The following ADD3 variants were observed in gnomAD, a reference collection of about 807,000 sequenced individuals.
The protein encoded by ADD3 is adducin 3.
ADD3 carries 25 observed loss-of-function variants against 80.2 expected under a neutral mutation model. The ratio of observed to expected loss-of-function variants is 0.31; its 90% CI spans 0.23 to 0.44. The LOEUF (loss-of-function observed/expected upper bound fraction) is 0.44, where lower values mean the gene tolerates loss of function less well. Ranked by LOEUF, ADD3 falls within the 20% of genes least tolerant of loss-of-function variation. The probability of loss-of-function intolerance (pLI) is 1.00; values close to 1 mark genes in which losing one functional copy is unlikely to be tolerated. For missense variants in ADD3, 829 were observed against 847.5 expected (o/e 0.98, Z 0.27); for synonymous variants, 284 against 289.6 (o/e 0.98, Z 0.20).
chr10:110,092,364 T>G (rs563611047), intron 1 of ADD3, among the ~76,000 whole-genome samples: 2 of 152,178 alleles, frequency 1.3e-5, no homozygotes, highest in African/African-American at 4.8e-5. Context: ...TTGGTACATA[T>G]ATACCTTCGA....
At chr10:110,065,504 C>CTCTCTCAT (rs1201886695) in intron 1 of ADD3, among the ~76,000 whole-genome samples, 1 of 131,744 alleles carries the variant, frequency 7.6e-6, no homozygotes, top group East Asian at 2.4e-4. Flanking sequence ...CTCTCTCTCT[C>CTCTCTCAT]TCTCTCTCAT....
intron 1 of ADD3, among the ~76,000 whole-genome samples, chr10:110,088,214 G>T (rs1169542397): frequency 6.6e-6 from 1 of 152,162 alleles, no homozygotes; most frequent in East Asian, 1.9e-4. Flanking sequence ...CTGGGGACAT[G>T]AATTTTTAGG....
chr10:110,133,337 C>A lies in ADD3; in HGVS notation c.1840C>A (p.Leu614Met). Residue 614 changes from leucine (L) to methionine (M), a missense_variant, in exon 15 of 15, where the codon CTG (leucine) becomes ATG (methionine). By Grantham distance (15) the Leu-to-Met change is conservative. Transcript: ENST00000356080. ...CTCCCCTTTCGTAGAAAACCATGAGCTGTTTTCCAAGAGCTTCATCTCCAT... is the reference window on the plus strand; with the variant it reads ...CTCCCCTTTCGTAGAAAACCATGAGATGTTTTCCAAGAGCTTCATCTCCAT... The part of the protein sequence containing the change: ...VPEKLEENHE[L>M]FSKSFISMEV... The A allele has an allele frequency of 6.3e-7, 1 of 1,580,214 alleles. No homozygotes were observed. Among genetic ancestry groups the A allele is most frequent in the Non-Finnish European group, 8.7e-7 (1 of 1,155,914 alleles).
rs1590121134 is a variant in ADD3 at position 110,100,699 on chromosome 10, C to T, written c.46C>T (p.Pro16Ser). The change falls in exon 2 of 15, where the codon CCC (proline) becomes TCC (serine). Residue 16 changes from proline (P) to serine (S), a missense_variant. Pro to Ser is a moderately conservative substitution (Grantham distance 74). Coordinates refer to ENST00000356080, the MANE Select transcript of ADD3 (RefSeq NM_016824.5). ...AGGCGTGATTACCACTCCTCCTCCTCCCAGCATGCCTCACAAAGAGAGATA... is the reference window on the plus strand; with the variant it reads ...AGGCGTGATTACCACTCCTCCTCCTTCCAGCATGCCTCACAAAGAGAGATA... ...SQGVITTPPP[P>S]SMPHKERYFD... 2 of 1,613,458 alleles carry T rather than the reference C, an allele frequency of 1.2e-6. No individual in the cohort carries two copies. The highest frequency in any genetic ancestry group is 2.2e-5 in the East Asian group (1 of 44,810).
chr10:110,099,415 T>A (rs1848553263), intron 1 of ADD3, among the ~76,000 whole-genome samples: 1 of 152,210 alleles, frequency 6.6e-6, no homozygotes, highest in Non-Finnish European at 1.5e-5. Flanking sequence ...TTCCGTTTCC[T>A]TCCTGACCAT....
At position 110,129,154 on chromosome 10, in the gene ADD3, T is replaced by TTTC. The variant is rs1564671291; in HGVS notation, c.1609-1207_1609-1206insCTT. ...TTTTTCTTTCTTTCTTTCTTTCTTTTTTTTTTTTTTTTGAGACGGAGTTTT... is the reference window on the plus strand; with the variant it reads ...TTTTTCTTTCTTTCTTTCTTTCTTTTTTCTTTTTTTTTTTTGAGACGGAGTTTT... On this transcript the variant is annotated intron_variant, in intron 12 of 14. Transcript: ENST00000356080. 9.3e-3 allele frequency among the ~76,000 whole-genome samples: 1,396 copies of TTTC among 149,914 alleles called. 21 individuals carry two copies. The highest frequency in any genetic ancestry group is 0.033 in the African/African-American group (1,350 of 40,700).
intron 1 of ADD3, among the ~76,000 whole-genome samples, chr10:110,028,220 T>G (rs1854539244): frequency 6.6e-6 from 1 of 152,072 alleles, no homozygotes; most frequent in South Asian, 2.1e-4. Flanking sequence ...GACCCCCATC[T>G]CCCCTTATGA....
intron 1 of ADD3, among the ~76,000 whole-genome samples, chr10:110,050,909 G>A (rs1370627480): frequency 6.6e-6 from 1 of 152,168 alleles, no homozygotes. Flanking sequence ...TGGATGATGT[G>A]GAAAGTGAAC....
At chr10:110,050,664 G>A (rs1248010185) in intron 1 of ADD3, among the ~76,000 whole-genome samples, 4 of 151,770 alleles carry the variant, frequency 2.6e-5, no homozygotes, top group Non-Finnish European at 2.9e-5. Context: ...AGGTGTGCAC[G>A]ACCACACCAA....
chr10:110,121,895 G>A (rs745932299), intron 8 of ADD3: 3 of 405,054 alleles, frequency 7.4e-6, no homozygotes, highest in Non-Finnish European at 1.3e-5. Context: ...TTTCCATCAG[G>A]GAGGATCAGA....
chr10:110,100,577 A>G, intron 1 of ADD3, 48 bp from the exon 2 acceptor site: 1 of 1,280,820 alleles, frequency 7.8e-7, no homozygotes, highest in Non-Finnish European at 1.0e-6. Context: ...TAAATTTTGA[A>G]TTTAATGAAT....
chr10:110,062,200 TAAAAAAAAAAAAAAAAAAA>T (rs57540485), intron 1 of ADD3, among the ~76,000 whole-genome samples: 10 of 35,198 alleles, frequency 2.8e-4, no homozygotes, highest in African/African-American at 4.1e-4. Flanking sequence ...CTGTCTCTAC[TAAAAAAAAAAAAAAAAAAA>T]AAAAAAAAAA....
chr10:110,054,445 T>A, intron 1 of ADD3, among the ~76,000 whole-genome samples: 1 of 146,976 alleles, frequency 6.8e-6, no homozygotes, highest in South Asian at 2.2e-4. Context: ...TTCTCTTTTT[T>A]TTTTTTTTTT....
intron 1 of ADD3, among the ~76,000 whole-genome samples, chr10:110,025,937 A>T (rs1264548142): frequency 1.3e-5 from 2 of 152,072 alleles, no homozygotes; most frequent in African/African-American, 4.8e-5. Flanking sequence ...GAAAAAAAAA[A>T]TTTCATCGAA....
chr10:110,122,056 C>A, intron 8 of ADD3, 54 bp from the exon 9 acceptor site: 1 of 1,460,180 alleles, frequency 6.8e-7, no homozygotes, highest in Non-Finnish European at 9.3e-7. Flanking sequence ...AAGTAAAATA[C>A]TCATTACAGT....
intron 12 of ADD3, among the ~76,000 whole-genome samples, chr10:110,129,779 G>A (rs1316305574): frequency 6.6e-6 from 1 of 151,898 alleles, no homozygotes; most frequent in Non-Finnish European, 1.5e-5. Flanking sequence ...CTCATCCTTT[G>A]TTGTTTCATC....
chr10:110,064,924 G>A (rs1339734621), intron 1 of ADD3, among the ~76,000 whole-genome samples: 2 of 152,086 alleles, frequency 1.3e-5, no homozygotes, highest in Non-Finnish European at 2.9e-5. Context: ...CAGGGGTGGT[G>A]GCACGCACCT....
At chr10:110,083,178 G>T (rs1177473238) in intron 1 of ADD3, among the ~76,000 whole-genome samples, 1 of 152,212 alleles carries the variant, frequency 6.6e-6, no homozygotes, top group Non-Finnish European at 1.5e-5. Flanking sequence ...AGGTTGCGGG[G>T]AGAGCTAAGA....
At chr10:110,022,559 A>C (rs1269501681) in intron 1 of ADD3, among the ~76,000 whole-genome samples, 1 of 152,214 alleles carries the variant, frequency 6.6e-6, no homozygotes, top group Admixed American at 6.5e-5. Context: ...AAACTTCTAG[A>C]AAACAGTGGT....
Sources: allele counts gnomAD v4.1 joint callset (sites outside exome capture counted in the v4.1 genomes callset), GRCh38; gene constraint gnomAD v4.1.1; transcripts MANE v1.5; gene names NCBI Gene and HGNC (gene_info 2026-07-23, HGNC 2026-07-21).